The following TRIP12 variants were observed in gnomAD, a reference collection of about 807,000 sequenced individuals.
The protein encoded by TRIP12 is E3 ubiquitin-protein ligase TRIP12.
A neutral mutation model predicts 244.2 loss-of-function variants in TRIP12; 25 were observed. That is an observed-to-expected ratio of 0.10 (90% CI 0.07 to 0.14). The LOEUF (loss-of-function observed/expected upper bound fraction) is 0.14, where lower values mean the gene tolerates loss of function less well. TRIP12 is among the 10% of genes least tolerant of loss of function. TRIP12 has a pLI of 1.00. For missense variants in TRIP12, 1,677 were observed against 2,486.4 expected (o/e 0.67, Z 6.92); for synonymous variants, 905 against 873.1 (o/e 1.04, Z -0.64).
At chr2:229,854,533 C>T (rs745528687) in intron 4 of TRIP12, among the ~76,000 whole-genome samples, 1 of 152,144 alleles carries the variant, frequency 6.6e-6, no homozygotes, top group South Asian at 2.1e-4. Flanking sequence ...GCCCATTTTA[C>T]GGAGAACAAG....
chr2:229,847,746 T>C (rs1002182618), intron 4 of TRIP12, among the ~76,000 whole-genome samples: 2 of 152,196 alleles, frequency 1.3e-5, no homozygotes, highest in African/African-American at 2.4e-5. Context: ...GATTGGCTGA[T>C]AGGCTGTTTA....
chr2:229,914,051 T>G (rs1278196314), intron 1 of TRIP12, among the ~76,000 whole-genome samples: 1 of 152,056 alleles, frequency 6.6e-6, no homozygotes, highest in Admixed American at 6.6e-5. Flanking sequence ...GTGGATTGCC[T>G]GAGGTCAGGA....
At chr2:229,831,890 T>TTG (rs1553657495) in intron 6 of TRIP12, among the ~76,000 whole-genome samples, 1 of 148,598 alleles carries the variant, frequency 6.7e-6, no homozygotes, top group Non-Finnish European at 1.5e-5. Context: ...TTTTTGGGTT[T>TTG]TTTTTTTTTT....
intron 18 of TRIP12, 101 bp from the exon 19 acceptor site, chr2:229,804,328 G>A: frequency 9.4e-7 from 1 of 1,059,578 alleles, no homozygotes; most frequent in Non-Finnish European, 1.4e-6. Flanking sequence ...TTCTTGAAAT[G>A]CTATGAAAAC....
intron 4 of TRIP12, among the ~76,000 whole-genome samples, chr2:229,848,573 A>G (rs1182360192): frequency 6.6e-6 from 1 of 152,208 alleles, no homozygotes. Flanking sequence ...TCAAACAGTA[A>G]GATCAAGACC....
chr2:229,887,090 A>C (rs1312556847), intron 1 of TRIP12, among the ~76,000 whole-genome samples: 2 of 152,252 alleles, frequency 1.3e-5, no homozygotes, highest in African/African-American at 4.8e-5. Flanking sequence ...ACCTTAAAAA[A>C]AATCAAAATA....
At chr2:229,888,743 C>G (rs1316115977) in intron 1 of TRIP12, among the ~76,000 whole-genome samples, 1 of 152,002 alleles carries the variant, frequency 6.6e-6, no homozygotes, top group Non-Finnish European at 1.5e-5. Flanking sequence ...GCGGAGGTTG[C>G]AGCGAGCCAA....
At chr2:229,828,933 G>T (rs1041701103) in intron 8 of TRIP12, among the ~76,000 whole-genome samples, 5 of 152,100 alleles carry the variant, frequency 3.3e-5, no homozygotes, top group Admixed American at 2.6e-4. Flanking sequence ...TGCAAAACAT[G>T]CCATCAGGTG....
At chr2:229,806,054 T>C in intron 17 of TRIP12, 171 bp from the exon 18 acceptor site, 1 of 497,610 alleles carries the variant, frequency 2.0e-6, no homozygotes, top group Admixed American at 3.3e-5. Context: ...AACTCATTCA[T>C]TCAACAAATC....
At chr2:229,787,387 A>G in intron 33 of TRIP12, 118 bp downstream of exon 33, 1 of 1,014,992 alleles carries the variant, frequency 9.9e-7, no homozygotes, top group Non-Finnish European at 1.4e-6. Context: ...AAATAGGGCT[A>G]GCTGAATATG....
intron 19 of TRIP12, 125 bp downstream of exon 19, chr2:229,803,870 CAAAA>C: frequency 1.1e-6 from 1 of 902,456 alleles, no homozygotes; most frequent in Non-Finnish European, 1.7e-6. Flanking sequence ...TATAAATAGA[CAAAA>C]AAGAGCTCAA....
At chr2:229,816,038 A>G (rs1483338753) in intron 9 of TRIP12, among the ~76,000 whole-genome samples, 4 of 152,146 alleles carry the variant, frequency 2.6e-5, no homozygotes, top group Non-Finnish European at 5.9e-5. Flanking sequence ...TGAGTCACCA[A>G]AGAAATTTCC....
chr2:229,860,794 T>C lies in TRIP12; in HGVS notation c.99-263A>G, dbSNP rs544627304. Among the ~76,000 whole-genome samples, 9 of 152,174 alleles carry C rather than the reference T, an allele frequency of 5.9e-5. No homozygotes were observed. In the South Asian group the frequency reaches 1.5e-3, roughly 25 times the overall value. ...TCATAATTGCACAGCGTTGTTAAGG[T>C]TGCTTAAGCAGTAACACATTTTTCA... is the stretch of plus-strand genomic sequence containing the variant. On this transcript the variant is annotated intron_variant, in intron 2 of 41. Transcript: ENST00000675903.
chr2:229,884,900 G>A (rs964118990), intron 1 of TRIP12, among the ~76,000 whole-genome samples: 3 of 152,164 alleles, frequency 2.0e-5, no homozygotes, highest in Admixed American at 6.5e-5. Context: ...AGCCTGGGAG[G>A]ACGAGGCTGT....
chr2:229,841,591 A>T (rs1349179080), intron 4 of TRIP12, among the ~76,000 whole-genome samples: 1 of 152,226 alleles, frequency 6.6e-6, no homozygotes, highest in Non-Finnish European at 1.5e-5. Context: ...AAGAAAGCCA[A>T]GACAGCATCC....
At chr2:229,847,213 G>A (rs2057750337) in intron 4 of TRIP12, among the ~76,000 whole-genome samples, 1 of 152,124 alleles carries the variant, frequency 6.6e-6, no homozygotes, top group South Asian at 2.1e-4. Context: ...TATTTGAAAG[G>A]AAACCACTCT....
intron 1 of TRIP12, among the ~76,000 whole-genome samples, chr2:229,900,258 T>C (rs2070302252): frequency 6.6e-6 from 1 of 152,246 alleles, no homozygotes; most frequent in Non-Finnish European, 1.5e-5. Flanking sequence ...GAGTCATCAC[T>C]ATACTTGAAT....
At chr2:229,888,320 C>G (rs980922858) in intron 1 of TRIP12, among the ~76,000 whole-genome samples, 9 of 152,000 alleles carry the variant, frequency 5.9e-5, no homozygotes, top group African/African-American at 2.2e-4. Context: ...AGAAATTACA[C>G]TGACATGCAG....
At chr2:229,775,984 T>C (rs1350864881) in intron 37 of TRIP12, among the ~76,000 whole-genome samples, 1 of 151,866 alleles carries the variant, frequency 6.6e-6, no homozygotes, top group Non-Finnish European at 1.5e-5. Flanking sequence ...ACAAAAAAAC[T>C]ACTGACAAGA....
Sources: allele counts gnomAD v4.1 joint callset (sites outside exome capture counted in the v4.1 genomes callset), GRCh38; gene constraint gnomAD v4.1.1; transcripts MANE v1.5; gene names NCBI Gene and HGNC (gene_info 2026-07-23, HGNC 2026-07-21).